The following DNAH3 variants were observed in gnomAD, a reference collection of about 807,000 sequenced individuals.
DNAH3 encodes dynein axonemal heavy chain 3, also known as axonemal beta dynein heavy chain 3.
DNAH3 carries 332 observed loss-of-function variants against 432.5 expected under a neutral mutation model. That is an observed-to-expected ratio of 0.77 (90% CI 0.70 to 0.84). The LOEUF is 0.84. Among genes scored for constraint, DNAH3 ranks in the 40% least tolerant of loss-of-function variants. The pLI is 0.00. For synonymous variants in DNAH3, 1,956 were observed against 1,900.2 expected (o/e 1.03, Z -0.76); for missense variants, 4,861 against 5,114.0 (o/e 0.95, Z 1.51).
exon 28 of DNAH3, chr16:21,054,420 C>A (rs202011375): frequency 1.1e-4 from 182 of 1,612,548 alleles, no homozygotes; most frequent in Non-Finnish European, 1.3e-4. Context: ...CCTGGCTTAC[C>A]GTGGACATCG....
At chr16:20,972,403 T>G (rs964586664) in intron 51 of DNAH3, among the ~76,000 whole-genome samples, 4 of 151,970 alleles carry the variant, frequency 2.6e-5, no homozygotes, top group Non-Finnish European at 5.9e-5. Flanking sequence ...ATTTTTTTCT[T>G]TTTAGTTTTT....
intron 1 of DNAH3, among the ~76,000 whole-genome samples, chr16:21,153,215 A>G (rs1258388315): frequency 1.3e-5 from 2 of 152,124 alleles, no homozygotes. Flanking sequence ...CTTTATGTCT[A>G]GCTTGGGGAT....
intron 41 of DNAH3, among the ~76,000 whole-genome samples, chr16:21,005,168 TC>T (rs962723623): frequency 1.7e-4 from 25 of 143,156 alleles, no homozygotes; most frequent in African/African-American, 6.6e-4. Context: ...TTTCTTTCTT[TC>T]TTTTTCTTTT....
exon 26 of DNAH3, chr16:21,060,291 A>G: frequency 1.9e-6 from 3 of 1,614,032 alleles, no homozygotes; most frequent in Admixed American, 1.7e-5. Context: ...TCCCAAGTCC[A>G]ATGACTTCTC....
intron 6 of DNAH3, 85 bp from the exon 8 acceptor site, chr16:21,134,539 A>G (rs1369011265): frequency 7.6e-7 from 1 of 1,319,088 alleles, no homozygotes; most frequent in Non-Finnish European, 1.0e-6. Context: ...TGTTTTTAAT[A>G]TAGAGACGGG....
At chr16:21,060,316 A>G (rs1453015280) in exon 26 of DNAH3, 8 of 1,613,938 alleles carry the variant, frequency 5.0e-6, no homozygotes, top group Non-Finnish European at 6.8e-6. Context: ...ACTGGCCAGC[A>G]TCATCTGCTC....
chr16:21,015,600 T>C (rs187912865), intron 41 of DNAH3, among the ~76,000 whole-genome samples: 5 of 152,264 alleles, frequency 3.3e-5, no homozygotes, highest in Admixed American at 2.6e-4. Flanking sequence ...ATTGTAACTA[T>C]AATACCACAG....
At chr16:21,074,053 T>C (rs1032658175) in intron 21 of DNAH3, among the ~76,000 whole-genome samples, 7 of 152,228 alleles carry the variant, frequency 4.6e-5, no homozygotes, top group Middle Eastern at 3.2e-3. Context: ...AAAATTTTAA[T>C]GCTTTTCTCT....
At chr16:21,112,076 A>G (rs1443159741) in exon 13 of DNAH3, 4 of 1,612,550 alleles carry the variant, frequency 2.5e-6, no homozygotes, top group Non-Finnish European at 3.4e-6. Context: ...AAGTCAACAT[A>G]CTTTTTGTAG....
intron 57 of DNAH3, among the ~76,000 whole-genome samples, chr16:20,946,018 C>T (rs1412568561): frequency 1.3e-5 from 2 of 152,162 alleles, no homozygotes. Flanking sequence ...TCTTAAGACC[C>T]TCCAACCATC....
At chr16:20,972,739 A>ATTTTTTT (rs34245316) in intron 51 of DNAH3, among the ~76,000 whole-genome samples, 2 of 95,976 alleles carry the variant, frequency 2.1e-5, no homozygotes, top group Non-Finnish European at 1.9e-5. Context: ...ATGCCCCGTG[A>ATTTTTTT]TTTTTTTTTT....
chr16:20,991,749 T>C (rs1161274887), intron 44 of DNAH3, among the ~76,000 whole-genome samples: 1 of 152,170 alleles, frequency 6.6e-6, no homozygotes, highest in Non-Finnish European at 1.5e-5. Flanking sequence ...TCCTACAAAT[T>C]TGTAGCTGGA....
intron 58 of DNAH3, among the ~76,000 whole-genome samples, chr16:20,943,966 C>T (rs1370251012): frequency 1.3e-5 from 2 of 150,524 alleles, no homozygotes; most frequent in African/African-American, 4.9e-5. Context: ...CCTAGGTAAC[C>T]GAGCCAAACC....
rs182726660 is a variant in DNAH3 at position 21,062,690 on chromosome 16, C to T, written c.3519-7G>A. 1.7e-4 allele frequency: 271 copies of T among 1,606,828 alleles called. No homozygotes were observed. The African/African-American group carries it at 3.2e-3, about 19-fold the overall frequency. On this transcript the variant is annotated splice_region_variant and splice_polypyrimidine_tract_variant and intron_variant, in intron 24 of 61. Transcript: ENST00000261383. ...GTTTGATAGGAAGAAGAATCTATTT[C>T]AAAGCAAAGAAAGATGGTAACTGGA...
chr16:20,990,274 C>T (rs928822135), intron 44 of DNAH3, among the ~76,000 whole-genome samples: 1 of 152,236 alleles, frequency 6.6e-6, no homozygotes, highest in Admixed American at 6.5e-5. Context: ...TATCATCTAT[C>T]TGTCTAATCT....
At chr16:20,967,352 C>A (rs2152629647) in intron 52 of DNAH3, among the ~76,000 whole-genome samples, 1 of 152,134 alleles carries the variant, frequency 6.6e-6, no homozygotes, top group East Asian at 1.9e-4. Flanking sequence ...TGAGAAGTGA[C>A]ATTCATGACC....
In DNAH3 at chr16:21,037,788, GA is replaced by G. The variant is rs1567679031; in HGVS notation, c.4922del (p.Phe1641SerfsTer2). 1 of 1,614,180 alleles carries G rather than the reference GA, an allele frequency of 6.2e-7. No individual in the cohort carries two copies. The highest frequency in any genetic ancestry group is 2.2e-5 in the East Asian group (1 of 44,870). ...GAAACAGAGGGACATCTTGCGCTAA[GA>G]ACTTGGCCAGATTGACATCAAGCAA... On this transcript the variant is annotated frameshift_variant, in exon 34 of 62. Transcript: ENST00000261383. LOFTEE classifies it high-confidence loss of function.
At chr16:21,151,235 G>A (rs1412507809) in intron 1 of DNAH3, among the ~76,000 whole-genome samples, 1 of 152,014 alleles carries the variant, frequency 6.6e-6, no homozygotes, top group Admixed American at 6.6e-5. Flanking sequence ...ACTTCATAGG[G>A]TTGCTTTGAA....
chr16:20,975,756 C>CT (rs201026714), intron 50 of DNAH3, among the ~76,000 whole-genome samples: 2,137 of 151,830 alleles, frequency 0.014, 18 homozygotes, highest in Non-Finnish European at 0.022. Flanking sequence ...CAAGTTAAGA[C>CT]TTTTTTTTGA....
Sources: allele counts gnomAD v4.1 joint callset (sites outside exome capture counted in the v4.1 genomes callset), GRCh38; gene constraint gnomAD v4.1.1; transcripts MANE v1.5; gene names NCBI Gene and HGNC (gene_info 2026-07-23, HGNC 2026-07-21).